RTL4: variants seen among roughly 807,000 people sequenced by gnomAD.
RTL4 encodes the protein retrotransposon Gag like 4.
A neutral mutation model predicts 5.3 loss-of-function variants in RTL4; 4 were observed. That is an observed-to-expected ratio of 0.75 (90% CI 0.37 to 1.72). The LOEUF (loss-of-function observed/expected upper bound fraction) is 1.72, where lower values mean the gene tolerates loss of function less well. RTL4 is among the 40% of genes most tolerant of loss of function. The pLI is 0.04. For synonymous variants in RTL4, 98 were observed against 87.3 expected (o/e 1.12, Z -0.68); for missense variants, 260 against 227.1 (o/e 1.14, Z -0.93).
chrX:112,247,992 A>G, the RTL4 span, among the ~76,000 whole-genome samples: 30 of 111,357 alleles, frequency 2.7e-4, no homozygotes, highest in Non-Finnish European at 7.5e-5. Flanking sequence ...AGATTTGGCT[A>G]ATATTCTTCC....
At chrX:112,172,402 A>T in the RTL4 span, among the ~76,000 whole-genome samples, 1 of 111,849 alleles carries the variant, frequency 8.9e-6, no homozygotes, top group Non-Finnish European at 1.9e-5. Context: ...ATGAAAAAAA[A>T]CCTCAATATT....
chrX:112,455,702 C>G (rs934711767), exon 1 of RTL4: 9 of 1,116,810 alleles, frequency 8.1e-6, no homozygotes, highest in Admixed American at 2.7e-5. Flanking sequence ...TACATCCCAG[C>G]CTTACTGATT....
the RTL4 span, among the ~76,000 whole-genome samples, chrX:112,379,214 A>G: frequency 5.3e-5 from 6 of 112,456 alleles, no homozygotes; most frequent in Non-Finnish European, 1.1e-4. Flanking sequence ...TGAAAGTGAT[A>G]ACCAGATTGA....
the RTL4 span, among the ~76,000 whole-genome samples, chrX:112,352,021 ATGTTTAG>A: frequency 2.7e-5 from 3 of 110,846 alleles, no homozygotes; most frequent in African/African-American, 9.9e-5. Context: ...GTTCCTTTCC[ATGTTTAG>A]TGTTTCCTTC....
At chrX:112,101,103 C>T in the RTL4 span, among the ~76,000 whole-genome samples, 6 of 111,348 alleles carry the variant, frequency 5.4e-5, no homozygotes, top group South Asian at 1.9e-3. Context: ...TTTCATGAAA[C>T]GTTAAAAAAA....
the RTL4 span, among the ~76,000 whole-genome samples, chrX:112,235,500 C>G: frequency 8.9e-6 from 1 of 111,955 alleles, no homozygotes; most frequent in African/African-American, 3.2e-5. Flanking sequence ...GCCTTAGAGG[C>G]AGCACAGGAC....
chrX:112,255,231 A>G, the RTL4 span, among the ~76,000 whole-genome samples: 28 of 112,209 alleles, frequency 2.5e-4, no homozygotes, highest in African/African-American at 8.7e-4. Flanking sequence ...CGAGTGATTT[A>G]TAGAGTGGTA....
the RTL4 span, among the ~76,000 whole-genome samples, chrX:112,112,401 C>G: frequency 9.0e-6 from 1 of 111,691 alleles, no homozygotes; most frequent in Non-Finnish European, 1.9e-5. Flanking sequence ...GGCTATCTTG[C>G]TGTATCCAGG....
chrX:112,118,428 T>C, the RTL4 span, among the ~76,000 whole-genome samples: 1 of 112,451 alleles, frequency 8.9e-6, no homozygotes, highest in Non-Finnish European at 1.9e-5. Flanking sequence ...GGCTACCTGA[T>C]TGTCCTCATG....
At chrX:112,113,461 T>C in the RTL4 span, among the ~76,000 whole-genome samples, 1 of 111,664 alleles carries the variant, frequency 9.0e-6, no homozygotes, top group Admixed American at 9.5e-5. Context: ...CCAGGATTCC[T>C]TGGATGGTAA....
chrX:112,090,098 A>T, the RTL4 span, among the ~76,000 whole-genome samples: 2 of 110,350 alleles, frequency 1.8e-5, no homozygotes, highest in African/African-American at 3.3e-5. Context: ...ACTTTGCCAA[A>T]TTTTTTCATT....
the RTL4 span, among the ~76,000 whole-genome samples, chrX:112,328,418 T>TA: frequency 9.0e-6 from 1 of 111,472 alleles, no homozygotes; most frequent in Non-Finnish European, 1.9e-5. Context: ...AGAAGGCCAT[T>TA]ACATAATGGT....
chrX:112,320,455 G>C, the RTL4 span: 31 of 110,935 alleles, frequency 2.8e-4, no homozygotes, highest in African/African-American at 1.0e-3. Flanking sequence ...CTTTAGGAAG[G>C]ATCTCTGAGC....
At chrX:112,287,958 C>T in the RTL4 span, among the ~76,000 whole-genome samples, 3 of 111,718 alleles carry the variant, frequency 2.7e-5, no homozygotes, top group Admixed American at 9.5e-5. Context: ...AATCTTGTGT[C>T]TCCCCAGGAT....
At chrX:112,331,259 C>A in the RTL4 span, among the ~76,000 whole-genome samples, 1 of 108,172 alleles carries the variant, frequency 9.2e-6, no homozygotes, top group Non-Finnish European at 1.9e-5. Context: ...ACCTACTCAA[C>A]TGACAAAGGG....
chrX:112,311,094 TTG>T, the RTL4 span, among the ~76,000 whole-genome samples: 3 of 107,209 alleles, frequency 2.8e-5, no homozygotes, highest in Admixed American at 1.1e-4. Context: ...CTCCTTGGAG[TTG>T]TGTCTTCCAG....
the RTL4 span, among the ~76,000 whole-genome samples, chrX:112,441,843 T>C: frequency 1.8e-5 from 2 of 112,314 alleles, no homozygotes; most frequent in East Asian, 5.6e-4. Context: ...CAAATGCAGC[T>C]TTATTTGTAA....
the RTL4 span, among the ~76,000 whole-genome samples, chrX:112,149,201 A>T: frequency 9.0e-6 from 1 of 111,564 alleles, no homozygotes; most frequent in Non-Finnish European, 1.9e-5. Flanking sequence ...TATGAGTGAG[A>T]CCTTTTTCGA....
the RTL4 span, among the ~76,000 whole-genome samples, chrX:112,310,369 CATATATATATAT>C: frequency 0.05 from 219 of 4,353 alleles, 9 homozygotes; most frequent in African/African-American, 0.11. Context: ...CACCTTTATA[CATATATATATAT>C]ATATATATAT....
Sources: allele counts gnomAD v4.1 joint callset (sites outside exome capture counted in the v4.1 genomes callset), GRCh38; gene constraint gnomAD v4.1.1; transcripts MANE v1.5; gene names NCBI Gene and HGNC (gene_info 2026-07-23, HGNC 2026-07-21).